PCCA: variants seen among roughly 807,000 people sequenced by gnomAD.
PCCA encodes propionyl-CoA carboxylase alpha chain, mitochondrial.
PCCA carries 74 observed loss-of-function variants against 101.3 expected under a neutral mutation model. The ratio of observed to expected loss-of-function variants is 0.73; its 90% CI spans 0.61 to 0.89. The LOEUF is 0.89. PCCA is among the 40% of genes least tolerant of loss of function. The pLI, the probability that PCCA is intolerant of heterozygous loss-of-function variation, is 0.00. For synonymous variants in PCCA, 294 were observed against 313.6 expected (o/e 0.94, Z 0.66); for missense variants, 891 against 907.0 (o/e 0.98, Z 0.23).
chr13:100,266,436 T>A (rs2062938284), intron 10 of PCCA, among the ~76,000 whole-genome samples: 2 of 152,210 alleles, frequency 1.3e-5, no homozygotes, highest in South Asian at 2.1e-4. Context: ...TGTTCTCATA[T>A]CTCATCTATA....
chr13:100,180,450 C>T (rs183103937), intron 6 of PCCA, among the ~76,000 whole-genome samples: 3 of 152,300 alleles, frequency 2.0e-5, no homozygotes, highest in Admixed American at 1.3e-4. Flanking sequence ...ATCCAAGATT[C>T]CTCTTCCCAC....
At chr13:100,121,096 C>G (rs542958982) in intron 4 of PCCA, among the ~76,000 whole-genome samples, 1 of 149,750 alleles carries the variant, frequency 6.7e-6, no homozygotes, top group Non-Finnish European at 1.5e-5. Context: ...ATTTTGATTC[C>G]TGTAAACTTG....
intron 21 of PCCA, chr13:100,489,957 G>C (rs1314751091): frequency 6.6e-6 from 1 of 152,218 alleles, no homozygotes; most frequent in African/African-American, 2.4e-5. Context: ...CTCAGGGAAA[G>C]TTCAGCATTG....
At chr13:100,345,608 TC>T (rs979937658) in intron 18 of PCCA, among the ~76,000 whole-genome samples, 6 of 152,304 alleles carry the variant, frequency 3.9e-5, no homozygotes, top group African/African-American at 1.4e-4. Context: ...CAGCAAGTTA[TC>T]CAGAAGATCT....
intron 4 of PCCA, among the ~76,000 whole-genome samples, chr13:100,123,139 C>G (rs1217500450): frequency 1.3e-5 from 2 of 152,180 alleles, no homozygotes; most frequent in Non-Finnish European, 2.9e-5. Flanking sequence ...TCATTGCAAC[C>G]TCCGCCTCAC....
In PCCA at chr13:100,493,188, G is replaced by A. The variant is rs532465018; in HGVS notation, c.1900-22239G>A. Among the ~76,000 whole-genome samples the A allele has an allele frequency of 6.6e-5, 10 of 152,308 alleles. No homozygotes were observed. In the South Asian group the frequency reaches 1.7e-3, roughly 25 times the overall value. ...CCTACACCTGCCCCTGCCCATCTGCGTGCTCTCCCTCCCATAAGGGGTTTG... is the reference window on the plus strand; with the variant it reads ...CCTACACCTGCCCCTGCCCATCTGCATGCTCTCCCTCCCATAAGGGGTTTG... On this transcript the variant is annotated intron_variant, in intron 21 of 23. Transcript: ENST00000376285.
At chr13:100,387,727 C>T (rs1300680986) in intron 19 of PCCA, among the ~76,000 whole-genome samples, 2 of 152,158 alleles carry the variant, frequency 1.3e-5, no homozygotes, top group African/African-American at 4.8e-5. Flanking sequence ...GTATCGCACT[C>T]TACTTTTGAA....
chr13:100,446,300 G>C (rs779113155), intron 20 of PCCA, among the ~76,000 whole-genome samples: 2 of 152,066 alleles, frequency 1.3e-5, no homozygotes, highest in African/African-American at 4.8e-5. Flanking sequence ...AAAGTGCTGG[G>C]ATTACAGGCA....
intron 11 of PCCA, among the ~76,000 whole-genome samples, chr13:100,270,499 A>G (rs976224385): frequency 1.1e-4 from 17 of 152,184 alleles, no homozygotes; most frequent in African/African-American, 3.9e-4. Flanking sequence ...CAGACTGGGA[A>G]CCTTGAATCA....
intron 1 of PCCA, among the ~76,000 whole-genome samples, chr13:100,102,163 T>A (rs935464994): frequency 6.6e-6 from 1 of 151,964 alleles, no homozygotes; most frequent in African/African-American, 2.4e-5. Flanking sequence ...CTCTTTTCAG[T>A]GGGGTCTTGC....
intron 23 of PCCA, among the ~76,000 whole-genome samples, chr13:100,529,098 C>T (rs184634487): frequency 6.6e-6 from 1 of 152,298 alleles, no homozygotes; most frequent in Admixed American, 6.5e-5. Context: ...CACCTCACCC[C>T]ATCCCCAGGC....
chr13:100,150,561 T>TA (rs762833424), intron 4 of PCCA: 102 of 1,265,904 alleles, frequency 8.1e-5, no homozygotes, highest in East Asian at 3.5e-4. Flanking sequence ...TGGTGGAACT[T>TA]ACGGCCGTTT....
At chr13:100,462,989 A>C (rs923618005) in intron 21 of PCCA, among the ~76,000 whole-genome samples, 2 of 152,212 alleles carry the variant, frequency 1.3e-5, no homozygotes, top group Admixed American at 1.3e-4. Context: ...GGATGAATTG[A>C]GTTTGCAGGA....
chr13:100,530,208 A>C lies in PCCA; in HGVS notation c.*42A>C. ...CAGTCATCACCCAATTTAATTAGCC[A>C]TTTGCATGATGCTTTCACACACAAT... On this transcript the variant is annotated 3_prime_UTR_variant, in exon 24 of 24. Coordinates refer to ENST00000376285, the MANE Select transcript of PCCA (RefSeq NM_000282.4). 5 of 1,431,860 alleles carry C rather than the reference A, an allele frequency of 3.5e-6. No individual in the cohort carries two copies. Among genetic ancestry groups the C allele is most frequent in the Non-Finnish European group, 4.9e-6 (5 of 1,014,270 alleles). The allele number at this position is 1,431,860 out of a possible 1,614,324, so 88.7% of individuals were successfully genotyped here.
chr13:100,475,312 A>G (rs1227241293), intron 21 of PCCA, among the ~76,000 whole-genome samples: 1 of 151,986 alleles, frequency 6.6e-6, no homozygotes, highest in African/African-American at 2.4e-5. Flanking sequence ...ACCCATTAGC[A>G]TTCACTCCTC....
intron 16 of PCCA, among the ~76,000 whole-genome samples, chr13:100,318,199 A>G (rs943033375): frequency 6.6e-5 from 10 of 151,952 alleles, no homozygotes; most frequent in Admixed American, 3.3e-4. Flanking sequence ...CTGAATGCCT[A>G]TTGGCCTTTT....
chr13:100,188,596 A>G (rs1019595346), intron 6 of PCCA, among the ~76,000 whole-genome samples: 2 of 152,230 alleles, frequency 1.3e-5, no homozygotes, highest in African/African-American at 2.4e-5. Context: ...GCTGGATCAC[A>G]TGGTAGTTCT....
chr13:100,179,913 G>C (rs1412912018), intron 6 of PCCA, among the ~76,000 whole-genome samples: 2 of 152,148 alleles, frequency 1.3e-5, no homozygotes, highest in East Asian at 3.8e-4. Context: ...TCTGAGGCTG[G>C]AATGAGATTT....
At chr13:100,455,838 T>C (rs2081667920) in intron 21 of PCCA, among the ~76,000 whole-genome samples, 1 of 152,164 alleles carries the variant, frequency 6.6e-6, no homozygotes, top group African/African-American at 2.4e-5. Context: ...TAGCTGGGAC[T>C]ACAGGTGCAT....
Sources: allele counts gnomAD v4.1 joint callset (sites outside exome capture counted in the v4.1 genomes callset), GRCh38; gene constraint gnomAD v4.1.1; transcripts MANE v1.5; gene names NCBI Gene and HGNC (gene_info 2026-07-23, HGNC 2026-07-21).